Variants in OLA1 observed in about 807,000 individuals in gnomAD.
OLA1 encodes the protein Obg like ATPase 1.
A neutral mutation model predicts 48.4 loss-of-function variants in OLA1; 14 were observed. The ratio of observed to expected loss-of-function variants is 0.29; its 90% CI spans 0.19 to 0.45. The LOEUF (loss-of-function observed/expected upper bound fraction) is 0.45, where lower values mean the gene tolerates loss of function less well. OLA1 is among the 20% of genes least tolerant of loss of function. The pLI is 1.00. For synonymous variants in OLA1, 127 were observed against 150.4 expected, an observed-to-expected ratio of 0.84 and a Z score of 1.14; for missense variants, 325 against 467.1, an observed-to-expected ratio of 0.70 and a Z score of 2.80.
At position 174,087,522 on chromosome 2, in the gene OLA1, CT is replaced by C. The variant is rs139509080; in HGVS notation, c.729-5459del. Among the ~76,000 whole-genome samples, 19 of 140,134 alleles carry C rather than the reference CT, an allele frequency of 1.4e-4. No homozygotes were observed. The South Asian group carries it at 2.4e-3, about 18-fold the overall frequency. The allele number at this position is 140,134 out of a possible 152,430, so 91.9% of individuals were successfully genotyped here. On this transcript the variant is annotated intron_variant, in intron 7 of 10. Transcript: ENST00000284719. The stretch of plus-strand genomic sequence containing the variant: ...ATGTTCTAATACAATATCTTTCAAA[CT>C]TTTTTTTGACCACACCCCCTAGTAA...
At chr2:174,226,302 CTT>C (rs1688616649) in intron 3 of OLA1, among the ~76,000 whole-genome samples, 3 of 151,662 alleles carry the variant, frequency 2.0e-5, no homozygotes, top group South Asian at 2.1e-4. Context: ...AAAATTAAAA[CTT>C]GAGATTTAAT....
chr2:174,227,907 A>G (rs951242641), intron 3 of OLA1, among the ~76,000 whole-genome samples: 1 of 152,242 alleles, frequency 6.6e-6, no homozygotes, highest in African/African-American at 2.4e-5. Flanking sequence ...GAATGAGTTC[A>G]GTATATACTT....
intron 4 of OLA1, among the ~76,000 whole-genome samples, chr2:174,148,281 G>T (rs1385841403): frequency 6.6e-6 from 1 of 152,040 alleles, no homozygotes; most frequent in Non-Finnish European, 1.5e-5. Context: ...CCAGCTACTT[G>T]GGGGTGCTGA....
At position 174,075,399 on chromosome 2, in the gene OLA1, T is replaced by C; in HGVS notation, c.*27A>G. 8 of 1,353,858 alleles carry C rather than the reference T, an allele frequency of 5.9e-6. No individual in the cohort carries two copies. Among genetic ancestry groups the C allele is most frequent in the Non-Finnish European group, 8.4e-6 (8 of 952,836 alleles). The allele number at this position is 1,353,858 out of a possible 1,614,324, so 83.9% of individuals were successfully genotyped here. On this transcript the variant is annotated 3_prime_UTR_variant, in exon 11 of 11. Coordinates refer to ENST00000284719, the MANE Select transcript of OLA1 (RefSeq NM_013341.5). ...AAAATCAGATGCCTTTTGGAAGTTG[T>C]ATGTTTATCTGAGCAATAACTAAAT...
intron 7 of OLA1, among the ~76,000 whole-genome samples, chr2:174,110,009 A>C (rs1281309562): frequency 6.6e-6 from 1 of 151,514 alleles, no homozygotes; most frequent in Non-Finnish European, 1.5e-5. Flanking sequence ...CTTTGTGTTC[A>C]TAAGTTCTCA....
intron 4 of OLA1, among the ~76,000 whole-genome samples, chr2:174,166,679 A>C (rs755128372): frequency 7.2e-5 from 11 of 152,214 alleles, no homozygotes; most frequent in Non-Finnish European, 1.3e-4. Context: ...AAATATCTAC[A>C]AAATTCTGTT....
intron 2 of OLA1, among the ~76,000 whole-genome samples, chr2:174,230,666 G>A (rs995008289): frequency 1.3e-5 from 2 of 152,108 alleles, no homozygotes; most frequent in Non-Finnish European, 2.9e-5. Flanking sequence ...ATGATACCAT[G>A]GGGATAAAGT....
At chr2:174,241,996 C>T (rs1205211202) in intron 2 of OLA1, among the ~76,000 whole-genome samples, 1 of 152,196 alleles carries the variant, frequency 6.6e-6, no homozygotes, top group African/African-American at 2.4e-5. Flanking sequence ...CATTTCCTTG[C>T]CTTCCTTGCA....
intron 4 of OLA1, among the ~76,000 whole-genome samples, chr2:174,154,969 T>C (rs577979408): frequency 5.3e-5 from 8 of 152,274 alleles, no homozygotes; most frequent in African/African-American, 1.9e-4. Context: ...TCCTTCTTAC[T>C]TCTGCCTTTC....
intron 3 of OLA1, among the ~76,000 whole-genome samples, chr2:174,228,716 G>C (rs1688665604): frequency 6.6e-6 from 1 of 152,030 alleles, no homozygotes; most frequent in Non-Finnish European, 1.5e-5. Flanking sequence ...ATCAGTCTAT[G>C]ATCATTTCAT....
intron 5 of OLA1, among the ~76,000 whole-genome samples, chr2:174,138,613 A>G (rs1686366737): frequency 6.6e-6 from 1 of 152,232 alleles, no homozygotes; most frequent in South Asian, 2.1e-4. Context: ...CAGCGTTGCC[A>G]CAAACCTTCG....
rs180810067 is a variant in OLA1 at position 174,201,795 on chromosome 2, G to A, written c.373+21238C>T. The stretch of plus-strand genomic sequence containing the variant: ...TTGTTACCATTCGTATCATGTAATG[G>A]GAAAGAAAGAAGATAATGGGAAAAC... On this transcript the variant is annotated intron_variant, in intron 4 of 10. Coordinates refer to ENST00000284719, the MANE Select transcript of OLA1 (RefSeq NM_013341.5). Among the ~76,000 whole-genome samples, 7 of 152,198 alleles carry A rather than the reference G, an allele frequency of 4.6e-5. No individual in the cohort carries two copies. In the East Asian group the frequency reaches 1.3e-3, roughly 29 times the overall value.
At chr2:174,222,305 T>C (rs538268983) in intron 4 of OLA1, among the ~76,000 whole-genome samples, 5 of 152,330 alleles carry the variant, frequency 3.3e-5, no homozygotes, top group Non-Finnish European at 5.9e-5. Flanking sequence ...TCAGTTACTA[T>C]AGTTATCTAG....
chr2:174,098,434 T>C (rs1685310147), intron 7 of OLA1, among the ~76,000 whole-genome samples: 1 of 152,224 alleles, frequency 6.6e-6, no homozygotes, highest in Admixed American at 6.5e-5. Flanking sequence ...AGTAGAATCA[T>C]ACCCACCAAA....
chr2:174,162,162 T>G (rs71417459), intron 4 of OLA1, among the ~76,000 whole-genome samples: 41,552 of 152,000 alleles, frequency 0.27, 6,304 homozygotes, highest in Non-Finnish European at 0.35. Context: ...TAAGGTACAT[T>G]CAGGACACAG....
At chr2:174,205,899 C>G (rs533956840) in intron 4 of OLA1, among the ~76,000 whole-genome samples, 1 of 152,306 alleles carries the variant, frequency 6.6e-6, no homozygotes, top group African/African-American at 2.4e-5. Context: ...ACACAGCCTA[C>G]AGCCCATAGA....
intron 4 of OLA1, among the ~76,000 whole-genome samples, chr2:174,151,214 C>T (rs1269648701): frequency 6.6e-6 from 1 of 152,148 alleles, no homozygotes; most frequent in Non-Finnish European, 1.5e-5. Context: ...AAGGGAATCG[C>T]TGTTCTCTAC....
At chr2:174,206,175 T>C (rs1306195119) in intron 4 of OLA1, among the ~76,000 whole-genome samples, 2 of 152,308 alleles carry the variant, frequency 1.3e-5, no homozygotes, top group East Asian at 3.9e-4. Context: ...CAAAACCAAA[T>C]CAGTCTCAAT....
rs1205716344 is a variant in OLA1 at position 174,095,325 on chromosome 2, G to GTTTTT, written c.729-13266_729-13262dup. ...TCTTTGCCAGCACTTGTTATTTCCTGTTTTTTTTTTTTTTTTTTTTTTTTG... is the reference window on the plus strand; with the variant it reads ...TCTTTGCCAGCACTTGTTATTTCCTGTTTTTTTTTTTTTTTTTTTTTTTTTTTTTG... On this transcript the variant is annotated intron_variant, in intron 7 of 10. Coordinates refer to ENST00000284719, the MANE Select transcript of OLA1 (RefSeq NM_013341.5). Among the ~76,000 whole-genome samples, 383 of 77,930 alleles carry GTTTTT rather than the reference G, an allele frequency of 4.9e-3. 1 individual carries two copies. The highest frequency in any genetic ancestry group is 5.7e-3 in the Non-Finnish European group (229 of 39,998). The allele number at this position is 77,930 out of a possible 152,430, so 51.1% of individuals were successfully genotyped here. A position where few individuals can be genotyped will look rare whatever the true frequency, so the allele number is the denominator to read the frequency against.
Sources: gnomAD v4.1 joint callset for allele counts (sites outside exome capture counted in the v4.1 genomes callset) on GRCh38, gnomAD v4.1.1 for gene constraint, MANE v1.5 for transcripts, NCBI Gene and HGNC (gene_info 2026-07-23, HGNC 2026-07-21) for gene names.